CHCHD6: variants seen among roughly 807,000 people sequenced by gnomAD.
The protein encoded by CHCHD6 is MICOS complex subunit MIC25.
In CHCHD6, 28 loss-of-function variants were observed where a neutral mutation model predicts 32.3. The observed-to-expected ratio is 0.87, with a 90% CI of 0.64 to 1.19. CHCHD6 has a LOEUF of 1.19. Ranked by LOEUF, CHCHD6 falls within the 50% of genes most tolerant of loss-of-function variation. CHCHD6 has a pLI of 0.00. For missense variants in CHCHD6, 333 were observed against 307.0 expected (o/e 1.08, Z -0.63); for synonymous variants, 122 against 117.5 (o/e 1.04, Z -0.25).
At chr3:126,811,278 G>A (rs1342186092) in intron 4 of CHCHD6, among the ~76,000 whole-genome samples, 1 of 152,136 alleles carries the variant, frequency 6.6e-6, no homozygotes, top group Non-Finnish European at 1.5e-5. Flanking sequence ...GGAATGGTGT[G>A]GACTGTGGCA....
At chr3:126,862,313 T>C (rs1294723730) in intron 5 of CHCHD6, among the ~76,000 whole-genome samples, 423 of 23,320 alleles carry the variant, frequency 0.018, no homozygotes, top group Middle Eastern at 0.038. Flanking sequence ...TCTACCATCA[T>C]CACCTCCTCC....
chr3:126,707,859 T>C (rs1445948570), intron 1 of CHCHD6, among the ~76,000 whole-genome samples: 1 of 152,266 alleles, frequency 6.6e-6, no homozygotes, highest in Non-Finnish European at 1.5e-5. Context: ...CTGCCAGTTA[T>C]TCCTCACCTC....
intron 4 of CHCHD6, among the ~76,000 whole-genome samples, chr3:126,814,584 G>A (rs781408723): frequency 3.3e-5 from 5 of 152,172 alleles, no homozygotes; most frequent in Non-Finnish European, 7.3e-5. Context: ...AAACCTAAGA[G>A]GACAGACTTG....
chr3:126,879,343 C>G (rs2077578777), intron 5 of CHCHD6, among the ~76,000 whole-genome samples: 1 of 152,168 alleles, frequency 6.6e-6, no homozygotes, highest in African/African-American at 2.4e-5. Flanking sequence ...AAATATCTGC[C>G]ATGGGATCTT....
At chr3:126,773,534 T>C (rs1163337330) in intron 4 of CHCHD6, among the ~76,000 whole-genome samples, 2 of 152,108 alleles carry the variant, frequency 1.3e-5, no homozygotes, top group Non-Finnish European at 2.9e-5. Flanking sequence ...AGCATTCTCT[T>C]GCTTGTTTTA....
At chr3:126,704,710 C>T (rs891906934) in intron 1 of CHCHD6, among the ~76,000 whole-genome samples, 2 of 152,172 alleles carry the variant, frequency 1.3e-5, no homozygotes, top group Admixed American at 6.5e-5. Flanking sequence ...CTTGAATTTG[C>T]GCCCGGCCTC....
chr3:126,913,951 G>T (rs1246050629), intron 5 of CHCHD6, among the ~76,000 whole-genome samples: 1 of 152,220 alleles, frequency 6.6e-6, no homozygotes, highest in African/African-American at 2.4e-5. Flanking sequence ...TTGCTCCCAG[G>T]CCTGGGCCTT....
chr3:126,888,378 T>C (rs2077706694), intron 5 of CHCHD6, among the ~76,000 whole-genome samples: 1 of 152,236 alleles, frequency 6.6e-6, no homozygotes, highest in Admixed American at 6.5e-5. Context: ...TTGAAACATA[T>C]TCTGTTATCT....
chr3:126,768,044 G>A (rs911551690), intron 4 of CHCHD6, among the ~76,000 whole-genome samples: 1 of 152,168 alleles, frequency 6.6e-6, no homozygotes, highest in Non-Finnish European at 1.5e-5. Flanking sequence ...CGTGAATAGT[G>A]CTGCAGTGAA....
At chr3:126,870,821 C>T (rs1355258066) in intron 5 of CHCHD6, among the ~76,000 whole-genome samples, 1 of 152,240 alleles carries the variant, frequency 6.6e-6, no homozygotes, top group Non-Finnish European at 1.5e-5. Context: ...CTGGGGACTG[C>T]ATTTCTGGAC....
intron 4 of CHCHD6, among the ~76,000 whole-genome samples, chr3:126,825,427 C>T (rs560841342): frequency 2.3e-4 from 35 of 152,184 alleles, no homozygotes; most frequent in African/African-American, 7.5e-4. Flanking sequence ...TATGTCAATT[C>T]GGTTGACTTG....
chr3:126,901,933 T>G (rs1296916127), intron 5 of CHCHD6, among the ~76,000 whole-genome samples: 2 of 152,192 alleles, frequency 1.3e-5, no homozygotes, highest in Non-Finnish European at 2.9e-5. Context: ...TAATATTCCT[T>G]TGAGGGAGGG....
chr3:126,914,872 C>G, intron 6 of CHCHD6, 122 bp downstream of exon 6: 1 of 681,930 alleles, frequency 1.5e-6, no homozygotes, highest in South Asian at 1.7e-5. Flanking sequence ...ACACAACCAT[C>G]TGTTCCTCAG....
intron 6 of CHCHD6, among the ~76,000 whole-genome samples, chr3:126,920,019 T>A (rs2078223935): frequency 6.6e-6 from 1 of 152,118 alleles, no homozygotes; most frequent in East Asian, 1.9e-4. Flanking sequence ...TATGTATTAC[T>A]GTCTCATATG....
chr3:126,776,766 A>G (rs1937667867), intron 4 of CHCHD6, among the ~76,000 whole-genome samples: 2 of 152,216 alleles, frequency 1.3e-5, no homozygotes, highest in Non-Finnish European at 2.9e-5. Flanking sequence ...TTTTATAACC[A>G]GTGACATAAC....
chr3:126,801,878 C>A (rs999086803), intron 4 of CHCHD6, among the ~76,000 whole-genome samples: 5 of 152,166 alleles, frequency 3.3e-5, no homozygotes, highest in African/African-American at 1.2e-4. Context: ...TCCAGAGGAA[C>A]GATCAGACAG....
chr3:126,849,449 A>G (rs1177921832), intron 4 of CHCHD6, among the ~76,000 whole-genome samples: 2 of 152,236 alleles, frequency 1.3e-5, no homozygotes, highest in African/African-American at 2.4e-5. Flanking sequence ...GGAGTAGGGT[A>G]GAGGCATCAA....
intron 5 of CHCHD6, among the ~76,000 whole-genome samples, chr3:126,875,484 T>C (rs1219209055): frequency 1.3e-5 from 2 of 152,198 alleles, no homozygotes; most frequent in Admixed American, 1.3e-4. Flanking sequence ...GAGTGGCACC[T>C]AAAAGCCATG....
In CHCHD6 at chr3:126,704,289, C is replaced by G. The variant is rs934624522; in HGVS notation, c.-24C>G. ...TGGAGCCGGGTCTCGGGTCTGGTGGCTGCCGGCCCTGCGGCATCTCGCCAT... is the reference window on the plus strand; with the variant it reads ...TGGAGCCGGGTCTCGGGTCTGGTGGGTGCCGGCCCTGCGGCATCTCGCCAT... On this transcript the variant is annotated 5_prime_UTR_variant, in exon 1 of 8. Coordinates refer to ENST00000290913, the MANE Select transcript of CHCHD6 (RefSeq NM_032343.3). 6.3e-7 allele frequency: 1 copy of G among 1,592,794 alleles called. No homozygotes were observed. Among genetic ancestry groups the G allele is most frequent in the African/African-American group, 1.3e-5 (1 of 74,626 alleles).
Sources: gnomAD v4.1 joint callset for allele counts (sites outside exome capture counted in the v4.1 genomes callset) on GRCh38, gnomAD v4.1.1 for gene constraint, MANE v1.5 for transcripts, NCBI Gene and HGNC (gene_info 2026-07-23, HGNC 2026-07-21) for gene names.